The following AP3B2 variants were observed in gnomAD, a reference collection of about 807,000 sequenced individuals.
AP3B2 encodes AP-3 complex subunit beta-2.
In AP3B2, 50 loss-of-function variants were observed where a neutral mutation model predicts 126.9. The ratio of observed to expected loss-of-function variants is 0.39; its 90% CI spans 0.31 to 0.50. The LOEUF is 0.50. AP3B2 is among the 20% of genes least tolerant of loss of function. The pLI is 0.79. For synonymous variants in AP3B2, 541 were observed against 565.0 expected (o/e 0.96, Z 0.60); for missense variants, 1,177 against 1,426.4 (o/e 0.83, Z 2.82).
chr15:82,691,504 TACA>T (rs1389890110), intron 1 of AP3B2, among the ~76,000 whole-genome samples: 3 of 152,146 alleles, frequency 2.0e-5, no homozygotes, highest in Non-Finnish European at 4.4e-5. Flanking sequence ...GTGAAAAATA[TACA>T]ACTTGTTTCT....
At position 82,681,251 on chromosome 15, in the gene AP3B2, T is replaced by C. The variant is rs761449835; in HGVS notation, c.522-73A>G. On this transcript the variant is annotated intron_variant, in intron 5 of 26. Coordinates refer to ENST00000535359, the MANE Select transcript of AP3B2 (RefSeq NM_001278512.2). This position sits in a 1 kb window ranked among gnomAD's most constrained non-coding sequence, Gnocchi z 4.0. ...TTCCCAATATCTGTCCAAGCCATGC[T>C]CACCTCCTGCACCCCAGCCTTATTG... 12 of 1,546,910 alleles carry C rather than the reference T, an allele frequency of 7.8e-6. No individual in the cohort carries two copies. Among genetic ancestry groups the C allele is most frequent in the Admixed American group, 1.9e-5 (1 of 52,350 alleles).
At chr15:82,661,213 A>T (rs946965833) in intron 25 of AP3B2, among the ~76,000 whole-genome samples, 1 of 151,850 alleles carries the variant, frequency 6.6e-6, no homozygotes, top group African/African-American at 2.4e-5. Flanking sequence ...AGCTTCCATT[A>T]CCACCTCTAT....
At chr15:82,673,258 A>G in intron 14 of AP3B2, among the ~76,000 whole-genome samples, 1 of 152,224 alleles carries the variant, frequency 6.6e-6, no homozygotes, top group East Asian at 1.9e-4. Context: ...TCTGTGGCCC[A>G]GGCTGGAGTG....
intron 14 of AP3B2, among the ~76,000 whole-genome samples, chr15:82,669,025 G>A (rs896192991): frequency 2.0e-5 from 3 of 152,206 alleles, no homozygotes; most frequent in African/African-American, 7.2e-5. Flanking sequence ...AGCTCTAGAT[G>A]GATGTGGCAG....
chr15:82,664,215 C>T lies in AP3B2; in HGVS notation c.2261+152G>A, dbSNP rs925580222. ...ATGAGGCCTCAGAGATCTCCTGCAG[C>T]CAGCGAAAGTAGGCGTCATGTGAGC... On this transcript the variant is annotated intron_variant, in intron 19 of 26. Coordinates refer to ENST00000535359, the MANE Select transcript of AP3B2 (RefSeq NM_001278512.2). The surrounding 1 kb of genome is among the most constrained non-coding windows in gnomAD (Gnocchi z 4.5). 3.3e-5 allele frequency among the ~76,000 whole-genome samples: 5 copies of T among 152,182 alleles called. No homozygotes were observed. The highest frequency in any genetic ancestry group is 7.2e-5 in the African/African-American group (3 of 41,440).
intron 1 of AP3B2, chr15:82,692,274 T>C (rs1265790521): frequency 1.9e-5 from 15 of 784,470 alleles, no homozygotes; most frequent in South Asian, 3.5e-5. Flanking sequence ...GATCCGGCCG[T>C]ACTTGTAGAA....
In AP3B2 at chr15:82,681,857, C is replaced by A. The variant is rs1224669499; in HGVS notation, c.361-277G>T. 6.6e-6 allele frequency among the ~76,000 whole-genome samples: 1 copy of A among 152,082 alleles called. No individual in the cohort carries two copies. The highest frequency in any genetic ancestry group is 2.4e-5 in the African/African-American group (1 of 41,398). On this transcript the variant is annotated intron_variant, in intron 4 of 26. Transcript: ENST00000535359. The surrounding 1 kb of genome is among the most constrained non-coding windows in gnomAD (Gnocchi z 4.0). ...AGAACACCTAAAATTGCTGAAACAC[C>A]TGAAACACTTCCTGTTCCTTGTAAG...
At position 82,677,728 on chromosome 15, in the gene AP3B2, C is replaced by T. The variant is rs1297553338; in HGVS notation, c.1321G>A (p.Gly441Ser). 8 of 1,609,046 alleles carry T rather than the reference C, an allele frequency of 5.0e-6. No individual in the cohort carries two copies. In the East Asian group the frequency reaches 6.7e-5, roughly 13 times the overall value. Residue 441 changes from glycine to serine, a missense_variant, in exon 12 of 27, where the codon GGC becomes AGC. Gly to Ser is a moderately conservative substitution (Grantham distance 56, BLOSUM62 0). This residue lies in a region of AP3B2 where 308 missense variants were observed against 452.4 expected (regional missense o/e 0.68). Transcript: ENST00000535359. The part of the protein sequence containing the change: ...QAIGRCATNI[G>S]RVRDTCLNGL... Reference sequence around the variant, plus strand: ...TTGAGGCAGGTGTCACGGACTCGGCCGATGTTAGTTGCACAGCGTCCAATG... The same window carrying T: ...TTGAGGCAGGTGTCACGGACTCGGCTGATGTTAGTTGCACAGCGTCCAATG...
intron 10 of AP3B2, among the ~76,000 whole-genome samples, chr15:82,679,175 G>A (rs1332844160): frequency 1.3e-5 from 2 of 152,188 alleles, no homozygotes; most frequent in Admixed American, 1.3e-4. Context: ...CCAGGCTGGA[G>A]TGCAATGGCA....
At position 82,680,172 on chromosome 15, in the gene AP3B2, C is replaced by T; in HGVS notation, c.1110+3G>A. The T allele has an allele frequency of 3.1e-6, 5 of 1,613,356 alleles. No individual in the cohort carries two copies. Among genetic ancestry groups the T allele is most frequent in the Non-Finnish European group, 4.2e-6 (5 of 1,179,794 alleles). On this transcript the variant is annotated splice_donor_region_variant and intron_variant, in intron 9 of 26. Coordinates refer to ENST00000535359, the MANE Select transcript of AP3B2 (RefSeq NM_001278512.2). The surrounding 1 kb of genome is among the most constrained non-coding windows in gnomAD (Gnocchi z 6.1). ...CGAGGACAGCCCGCCGTCGCAGGCT[C>T]ACCCGGCGCTTGATGGACATGGTGG... is the stretch of plus-strand genomic sequence containing the variant.
In AP3B2 at chr15:82,678,153, G is replaced by C; in HGVS notation, c.1197C>G (p.Thr399=). The C allele has an allele frequency of 6.2e-7, 1 of 1,613,872 alleles. No individual in the cohort carries two copies. Among genetic ancestry groups the C allele is most frequent in the Non-Finnish European group, 8.5e-7 (1 of 1,179,872 alleles). ...GAATGTTGGTCTCATTGGCCAGGTT[G>C]GTCAGCACTTCCAGCTGCAGGGAGG... is the stretch of plus-strand genomic sequence containing the variant. The part of the protein sequence containing the change: ...QIKILKLEVL[T]NLANETNIPT... The change falls in exon 11 of 27, where the codon ACC becomes ACG. Residue 399 remains threonine (T), a synonymous_variant. Coordinates refer to ENST00000535359, the MANE Select transcript of AP3B2 (RefSeq NM_001278512.2).
chr15:82,663,183 TG>T lies in AP3B2; in HGVS notation c.2547del (p.Ser850ValfsTer9). ...AGGCCCTCCAGGTCAGCAGCCAGAC[TG>T]GTAGACACAATTGCTGGGGGAGACA... is the stretch of plus-strand genomic sequence containing the variant. The part of the protein sequence containing the change: ...QPVSPPAIVS[T>X]SLAADLEGLT... On this transcript the variant is annotated frameshift_variant, in exon 22 of 27. Coordinates refer to ENST00000535359, the MANE Select transcript of AP3B2 (RefSeq NM_001278512.2). LOFTEE classifies it high-confidence loss of function. The T allele has an allele frequency of 6.2e-7, 1 of 1,613,034 alleles. No individual in the cohort carries two copies. The highest frequency in any genetic ancestry group is 1.1e-5 in the South Asian group (1 of 90,968).
intron 1 of AP3B2, among the ~76,000 whole-genome samples, chr15:82,700,397 C>CTTTTTTTTTTTTTTTTTTTTTTTGTTTT (rs1226910164): frequency 2.9e-5 from 1 of 35,086 alleles, no homozygotes; most frequent in Non-Finnish European, 5.1e-5. Context: ...TGGTGGGTGG[C>CTTTTTTTTTTTTTTTTTTTTTTTGTTTT]TTTTTTTTTT....
In AP3B2 at chr15:82,665,297, C is replaced by G. The variant is rs1009956106; in HGVS notation, c.1978G>C (p.Asp660His). Reference sequence around the variant, plus strand: ...ACGTGAGTCTCAATAAGGGAGAGATCTTCTTCCTGTGTGTGTGGGGGAGGG... The same window carrying G: ...ACGTGAGTCTCAATAAGGGAGAGATGTTCTTCCTGTGTGTGTGGGGGAGGG... ...DPSVRNVEEEDLSLIETHVGL... is the reference protein window; with the variant it reads ...DPSVRNVEEEHLSLIETHVGL... Residue 660 changes from aspartate to histidine, a missense_variant, in exon 17 of 27, where the codon GAT becomes CAT. Coordinates refer to ENST00000535359, the MANE Select transcript of AP3B2 (RefSeq NM_001278512.2). The surrounding 1 kb of genome is among the most constrained non-coding windows in gnomAD (Gnocchi z 4.4). 17 of 1,559,780 alleles carry G rather than the reference C, an allele frequency of 1.1e-5. No individual in the cohort carries two copies. In the Admixed American group the frequency reaches 2.1e-4, roughly 19 times the overall value.
intron 13 of AP3B2, 31 bp downstream of exon 13, chr15:82,677,243 G>T: frequency 6.5e-7 from 1 of 1,528,280 alleles, no homozygotes; most frequent in Non-Finnish European, 9.0e-7. Context: ...GGACCTTGAA[G>T]TGGGGAGTGA....
At position 82,665,146 on chromosome 15, in the gene AP3B2, TG is replaced by T; in HGVS notation, c.2028+100del. On this transcript the variant is annotated intron_variant, in intron 17 of 26. Transcript: ENST00000535359. This position sits in a 1 kb window ranked among gnomAD's most constrained non-coding sequence, Gnocchi z 4.4. ...ACAGAGGAGCACTGCCAAACCAAGGTGGAAACAGAGTATGGGAAGGCCCAGG... is the reference window on the plus strand; with the variant it reads ...ACAGAGGAGCACTGCCAAACCAAGGTGAAACAGAGTATGGGAAGGCCCAGG... 7.4e-7 allele frequency: 1 copy of T among 1,359,412 alleles called. No individual in the cohort carries two copies. The highest frequency in any genetic ancestry group is 1.0e-6 in the Non-Finnish European group (1 of 992,310). The allele number at this position is 1,359,412 out of a possible 1,614,324, so 84.2% of individuals were successfully genotyped here. A position where few individuals can be genotyped will look rare whatever the true frequency, so the allele number is the denominator to read the frequency against.
chr15:82,680,920 C>G lies in AP3B2; in HGVS notation c.688G>C (p.Asp230His), dbSNP rs1262825827. ...NYRKLCNLLI[D>H]VEEWGQVVII... The stretch of plus-strand genomic sequence containing the variant: ...ACCACCTGGCCCCACTCCTCCACGT[C>G]GATCAGCAGGTTACAGAGTTTCCGG... The change falls in exon 7 of 27, where the codon GAC becomes CAC. Residue 230 changes from aspartate (D) to histidine (H), a missense_variant. Physicochemically the swap from Asp to His is moderately conservative, Grantham distance 81. Transcript: ENST00000535359. The surrounding 1 kb of genome is among the most constrained non-coding windows in gnomAD (Gnocchi z 6.1). The G allele has an allele frequency of 6.2e-7, 1 of 1,613,836 alleles. No homozygotes were observed. The highest frequency in any genetic ancestry group is 8.5e-7 in the Non-Finnish European group (1 of 1,179,890).
At position 82,663,867 on chromosome 15, in the gene AP3B2, T is replaced by C; in HGVS notation, c.2370A>G (p.Ser790=). ...DEGSDSSSSS[S]ESEMTSESEE... ...CGGACTCCGATGTCATCTCGGACTC[T>C]GATGAGCTACTGCTGGAATCGCTGC... Residue 790 remains serine (S), a synonymous_variant, in exon 20 of 27, where the codon TCA becomes TCG. Coordinates refer to ENST00000535359, the MANE Select transcript of AP3B2 (RefSeq NM_001278512.2). 6.2e-7 allele frequency: 1 copy of C among 1,613,938 alleles called. No homozygotes were observed. The highest frequency in any genetic ancestry group is 1.1e-5 in the South Asian group (1 of 91,078).
At chr15:82,677,414 A>C in intron 12 of AP3B2, 31 bp from the exon 13 acceptor site, 1 of 1,591,472 alleles carries the variant, frequency 6.3e-7, no homozygotes, top group African/African-American at 1.3e-5. Flanking sequence ...TGTGGACCCC[A>C]AGACAGTCAG....
Sources: allele counts gnomAD v4.1 joint callset (sites outside exome capture counted in the v4.1 genomes callset), GRCh38; gene constraint gnomAD v4.1.1; regional missense constraint gnomAD v4.1.1; non-coding constraint Gnocchi (gnomAD v3.1); transcripts MANE v1.5; gene names NCBI Gene and HGNC (gene_info 2026-07-23, HGNC 2026-07-21).